The following SLC12A4 variants were observed in gnomAD, a reference collection of about 807,000 sequenced individuals.
SLC12A4 encodes the protein electroneutral potassium-chloride cotransporter 1.
In SLC12A4, 84 loss-of-function variants were observed where a neutral mutation model predicts 119.2. The ratio of observed to expected loss-of-function variants is 0.70; its 90% CI spans 0.59 to 0.85. The LOEUF (loss-of-function observed/expected upper bound fraction) is 0.85. SLC12A4 is among the 40% of genes least tolerant of loss of function. The pLI, the probability that SLC12A4 is intolerant of heterozygous loss-of-function variation, is 0.00. For missense variants in SLC12A4, 1,298 were observed against 1,476.3 expected, an observed-to-expected ratio of 0.88 and a Z score of 1.98; for synonymous variants, 599 against 604.6, an observed-to-expected ratio of 0.99 and a Z score of 0.14.
chr16:67,966,383 C>T (rs2030869635), intron 1 of SLC12A4, among the ~76,000 whole-genome samples: 1 of 152,238 alleles, frequency 6.6e-6, no homozygotes, highest in Non-Finnish European at 1.5e-5. Context: ...GACATGCCTG[C>T]CAGGCTGAAG....
chr16:67,951,948 G>A lies in SLC12A4; in HGVS notation c.1007C>T (p.Thr336Ile), dbSNP rs748197577. The A allele has an allele frequency of 6.2e-7, 1 of 1,614,016 alleles. No homozygotes were observed. The highest frequency in any genetic ancestry group is 2.2e-5 in the East Asian group (1 of 44,882). ...GTGGCAGAAGAAACTCCATAGCTGG[G>A]TGGCCACTGTCTCATTGTCCACTAC... ...TAVVDNETVA[T>I]QLWSFFCHSP... Residue 336 changes from threonine to isoleucine, a missense_variant, in exon 8 of 24, where the codon ACC becomes ATC. Physicochemically the swap from Thr to Ile is moderately conservative, Grantham distance 89 (BLOSUM62 -1). Transcript: ENST00000316341. This position sits in a 1 kb window ranked among gnomAD's most constrained non-coding sequence, Gnocchi z 5.2.
Position 67,951,553 on chromosome 16 carries a change from C to A in SLC12A4, c.1133-249G>T. 1.6e-6 allele frequency: 1 copy of A among 609,744 alleles called. No homozygotes were observed. The highest frequency in any genetic ancestry group is 2.9e-6 in the Non-Finnish European group (1 of 347,224). 37.8% of individuals were successfully genotyped at this position (609,744 alleles called of 1,614,324 possible). A position where few individuals can be genotyped will look rare whatever the true frequency, so the allele number is the denominator to read the frequency against. ...CGCCACTGCCCGCCTTCCACAGAGG[C>A]CTTTATGGATCCTGTGGGAACATCC... On this transcript the variant is annotated intron_variant, in intron 8 of 23. Coordinates refer to ENST00000316341, the MANE Select transcript of SLC12A4 (RefSeq NM_005072.5). The surrounding 1 kb of genome is among the most constrained non-coding windows in gnomAD (Gnocchi z 5.2).
At position 67,952,033 on chromosome 16, in the gene SLC12A4, A is replaced by G; in HGVS notation, c.922T>C (p.Cys308Arg). The G allele has an allele frequency of 6.2e-7, 1 of 1,613,720 alleles. No individual in the cohort carries two copies. Among genetic ancestry groups the G allele is most frequent in the Non-Finnish European group, 8.5e-7 (1 of 1,179,838 alleles). Reference sequence around the variant, plus strand: ...GACAGGGTCCTGTTGCCCAGCATGCATACCCTGTGAGGGACAGAAGCACCG... The same window carrying G: ...GACAGGGTCCTGTTGCCCAGCATGCGTACCCTGTGAGGGACAGAAGCACCG... ...SIFDPPVFPV[C>R]MLGNRTLSRD... is the part of the protein sequence containing the mutation. Residue 308 changes from cysteine to arginine, a missense_variant, in exon 8 of 24, where the codon TGC becomes CGC. Transcript: ENST00000316341.
rs1269326252 is a variant in SLC12A4, at chr16:67,950,188, C to T, written c.1629+131G>A. 2 of 1,140,186 alleles carry T rather than the reference C, an allele frequency of 1.8e-6. No homozygotes were observed. The highest frequency in any genetic ancestry group is 3.1e-5 in the South Asian group (2 of 64,138). The allele number at this position is 1,140,186 out of a possible 1,614,324, so 70.6% of individuals were successfully genotyped here. A position where few individuals can be genotyped will look rare whatever the true frequency, so the allele number is the denominator to read the frequency against. Reference sequence around the variant, plus strand: ...GGCCCAGGGCACTTCTCAGTAGCTCCTCATGGATGGCCGCCTGGCCCCGGG... The same window carrying T: ...GGCCCAGGGCACTTCTCAGTAGCTCTTCATGGATGGCCGCCTGGCCCCGGG... On this transcript the variant is annotated intron_variant, in intron 12 of 23. Transcript: ENST00000316341. This position sits in a 1 kb window ranked among gnomAD's most constrained non-coding sequence, Gnocchi z 4.3.
rs1348698211 is a variant in SLC12A4 at position 67,952,039 on chromosome 16, T to C, written c.918-2A>G. 6.2e-7 allele frequency: 1 copy of C among 1,613,022 alleles called. No individual in the cohort carries two copies. The highest frequency in any genetic ancestry group is 1.7e-5 in the Admixed American group (1 of 59,956). The stretch of plus-strand genomic sequence containing the variant: ...GTCCTGTTGCCCAGCATGCATACCC[T>C]GTGAGGGACAGAAGCACCGGCACCT... On this transcript the variant is annotated splice_acceptor_variant, in intron 7 of 23. Coordinates refer to ENST00000316341, the MANE Select transcript of SLC12A4 (RefSeq NM_005072.5). LOFTEE classifies it high-confidence loss of function.
Position 67,947,399 on chromosome 16 carries a change from C to G in SLC12A4, c.2004G>C (p.Leu668=), listed in dbSNP as rs1410501417. The change falls in exon 16 of 24, where the codon CTG becomes CTC. Residue 668 remains leucine, a synonymous_variant. Coordinates refer to ENST00000316341, the MANE Select transcript of SLC12A4 (RefSeq NM_005072.5). ...EKEWGDGIRG[L]SLSAARYALL... is the part of the protein sequence containing the mutation. ...GCGCGTAGCGGGCAGCGCTCAGGGA[C>G]AGGCCTCGGATCCCGTCACCCCACT... is the stretch of plus-strand genomic sequence containing the variant. 2 of 1,612,718 alleles carry G rather than the reference C, an allele frequency of 1.2e-6. No homozygotes were observed. Among genetic ancestry groups the G allele is most frequent in the Non-Finnish European group, 1.7e-6 (2 of 1,179,884 alleles).
intron 17 of SLC12A4, 128 bp downstream of exon 17, chr16:67,946,809 G>GCTCT: frequency 7.9e-7 from 1 of 1,269,532 alleles, no homozygotes; most frequent in Non-Finnish European, 1.1e-6. Flanking sequence ...CCTTGTGCCA[G>GCTCT]CTCTCAGGTG....
intron 5 of SLC12A4, among the ~76,000 whole-genome samples, chr16:67,955,183 C>A (rs2030183237): frequency 6.6e-6 from 1 of 152,250 alleles, no homozygotes; most frequent in African/African-American, 2.4e-5. Flanking sequence ...GGGACTGTCT[C>A]ATCCAGCCTT....
rs370527087 is a variant in SLC12A4, at chr16:67,950,397, G to A, written c.1551C>T (p.Gly517=). Residue 517 remains glycine (G), a synonymous_variant, in exon 12 of 24, where the codon GGC becomes GGT. Coordinates refer to ENST00000316341, the MANE Select transcript of SLC12A4 (RefSeq NM_005072.5). This position sits in a 1 kb window ranked among gnomAD's most constrained non-coding sequence, Gnocchi z 4.3. ...IVIGSFFSTC[G]AGLQSLTGAP... ...CCCCTGTGAGGCTCTGGAGGCCAGC[G>A]CCACACGTTGAAAAGAAGGAGCCGA... 284 of 1,613,998 alleles carry A rather than the reference G, an allele frequency of 1.8e-4. No homozygotes were observed. Among genetic ancestry groups the A allele is most frequent in the Middle Eastern group, 3.3e-4 (2 of 6,062 alleles).
intron 5 of SLC12A4, 50 bp downstream of exon 5, chr16:67,957,692 G>A: frequency 6.2e-7 from 1 of 1,609,032 alleles, no homozygotes; most frequent in Non-Finnish European, 8.5e-7. Context: ...GGTCAAGGCA[G>A]ATACTGGGTC....
At position 67,945,845 on chromosome 16, in the gene SLC12A4, G is replaced by C. The variant is rs1401304945; in HGVS notation, c.2766C>G (p.Thr922=). The change falls in exon 21 of 24, where the codon ACC becomes ACG. Residue 922 remains threonine, a synonymous_variant. Transcript: ENST00000316341. ...EMHNSDISAY[T]YERTLMMEQR... Reference sequence around the variant, plus strand: ...GCTCCATCATCAGCGTCCGCTCGTAGGTGTATGCAGAGATGTCACTGTTAT... The same window carrying C: ...GCTCCATCATCAGCGTCCGCTCGTACGTGTATGCAGAGATGTCACTGTTAT... The C allele has an allele frequency of 1.2e-6, 2 of 1,614,054 alleles. No homozygotes were observed. Among genetic ancestry groups the C allele is most frequent in the South Asian group, 2.2e-5 (2 of 91,086 alleles).
chr16:67,945,117 G>T lies in SLC12A4; in HGVS notation c.3136C>A (p.Pro1046Thr). 1 of 1,595,354 alleles carries T rather than the reference G, an allele frequency of 6.3e-7. No homozygotes were observed. Among genetic ancestry groups the T allele is most frequent in the African/African-American group, 1.3e-5 (1 of 74,492 alleles). Residue 1046 changes from proline to threonine, a missense_variant, in exon 23 of 24, where the codon CCA becomes ACA. By Grantham distance (38) the Pro-to-Thr change is conservative. Coordinates refer to ENST00000316341, the MANE Select transcript of SLC12A4 (RefSeq NM_005072.5). The stretch of plus-strand genomic sequence containing the variant: ...TCGTCGCCCTCACTGTTCCTGGGTG[G>T]GCCAGGCATGTTTAGGAGAACCAGG... Reference protein sequence around the residue: ...ARLVLLNMPGPPRNSEGDENY... With the variant: ...ARLVLLNMPGTPRNSEGDENY...
In SLC12A4 at chr16:67,950,262, C is replaced by T; in HGVS notation, c.1629+57G>A. The T allele has an allele frequency of 6.3e-7, 1 of 1,580,250 alleles. No homozygotes were observed. The stretch of plus-strand genomic sequence containing the variant: ...GCATCTGTGTTCCCTATCTCTCTCC[C>T]CAGCCGGGCGAGGGCCTGGGAGCAG... On this transcript the variant is annotated intron_variant, in intron 12 of 23. Coordinates refer to ENST00000316341, the MANE Select transcript of SLC12A4 (RefSeq NM_005072.5). The surrounding 1 kb of genome is among the most constrained non-coding windows in gnomAD (Gnocchi z 4.3).
At position 67,950,631 on chromosome 16, in the gene SLC12A4, A is replaced by G; in HGVS notation, c.1454+23T>C. ...CAGGCCAAAGCCCAGCCGCTGCTAA[A>G]GAGGGGGGCCCAGCTCACTCACTTG... On this transcript the variant is annotated intron_variant, in intron 11 of 23. Coordinates refer to ENST00000316341, the MANE Select transcript of SLC12A4 (RefSeq NM_005072.5). The surrounding 1 kb of genome is among the most constrained non-coding windows in gnomAD (Gnocchi z 4.3). The G allele has an allele frequency of 6.2e-7, 1 of 1,610,936 alleles. No homozygotes were observed. Among genetic ancestry groups the G allele is most frequent in the South Asian group, 1.1e-5 (1 of 90,608 alleles).
chr16:67,945,257 C>A (rs1450694191), intron 22 of SLC12A4, 37 bp from the exon 23 acceptor site: 1 of 1,552,484 alleles, frequency 6.4e-7, no homozygotes, highest in Admixed American at 1.8e-5. Context: ...TCGCCATGAG[C>A]CATCCTGCAA....
Position 67,944,048 on chromosome 16 carries a change from C to T in SLC12A4, c.*792G>A. 1 of 1,547,686 alleles carries T rather than the reference C, an allele frequency of 6.5e-7. No homozygotes were observed. The highest frequency in any genetic ancestry group is 8.7e-7 in the Non-Finnish European group (1 of 1,146,062). On this transcript the variant is annotated 3_prime_UTR_variant, in exon 24 of 24. Coordinates refer to ENST00000316341, the MANE Select transcript of SLC12A4 (RefSeq NM_005072.5). The surrounding 1 kb of genome is among the most constrained non-coding windows in gnomAD (Gnocchi z 6.6). ...GCCAGAAGGGGGCGGCAGGAGGGAG[C>T]AGCAGCCCCAGCAGCAGCGTCACCC...
intron 6 of SLC12A4, 112 bp from the exon 7 acceptor site, chr16:67,952,537 C>T (rs139080221): frequency 3.4e-5 from 39 of 1,162,398 alleles, no homozygotes; most frequent in Middle Eastern, 2.2e-4. Flanking sequence ...CAGTGGCTCA[C>T]GCCTGTAATC....
Position 67,945,610 on chromosome 16 carries a change from G to A in SLC12A4, c.2848-57C>T, listed in dbSNP as rs150430598. 3.6e-3 allele frequency: 5,570 copies of A among 1,568,124 alleles called. 27 individuals carry two copies. Among genetic ancestry groups the A allele is most frequent in the South Asian group, 0.015 (1,279 of 86,174 alleles). ...CCATAGGAAAAGGGGGATGGGGCCTGTCTGGCCCAATGTGACCACCTTGCC... is the reference window on the plus strand; with the variant it reads ...CCATAGGAAAAGGGGGATGGGGCCTATCTGGCCCAATGTGACCACCTTGCC... On this transcript the variant is annotated intron_variant, in intron 21 of 23. Coordinates refer to ENST00000316341, the MANE Select transcript of SLC12A4 (RefSeq NM_005072.5).
Position 67,957,892 on chromosome 16 carries a change from A to C in SLC12A4, c.489+6T>G. 1 of 1,613,140 alleles carries C rather than the reference A, an allele frequency of 6.2e-7. No individual in the cohort carries two copies. The highest frequency in any genetic ancestry group is 8.5e-7 in the Non-Finnish European group (1 of 1,179,490). On this transcript the variant is annotated splice_donor_region_variant and intron_variant, in intron 4 of 23. Coordinates refer to ENST00000316341, the MANE Select transcript of SLC12A4 (RefSeq NM_005072.5). ...CAGCCCAACCCTCCCACGCCAGGAC[A>C]CTCACACAACAGCAGCAGATAAGCA... is the stretch of plus-strand genomic sequence containing the variant.
Sources: allele counts gnomAD v4.1 joint callset (sites outside exome capture counted in the v4.1 genomes callset), GRCh38; gene constraint gnomAD v4.1.1; non-coding constraint Gnocchi (gnomAD v3.1); transcripts MANE v1.5; gene names NCBI Gene and HGNC (gene_info 2026-07-23, HGNC 2026-07-21).